The following KCP variants were observed in gnomAD, a reference collection of about 807,000 sequenced individuals.
KCP encodes kielin cysteine rich BMP regulator, also known as kielin/chordin-like protein.
In KCP, 194 loss-of-function variants were observed where a neutral mutation model predicts 212.7. The ratio of observed to expected loss-of-function variants is 0.91; its 90% confidence interval spans 0.81 to 1.03. The LOEUF (loss-of-function observed/expected upper bound fraction) is 1.03. Ranked by LOEUF, KCP falls within the 50% of genes least tolerant of loss-of-function variation. KCP has a pLI of 0.00. For synonymous variants in KCP, 833 were observed against 865.3 expected (o/e 0.96, Z 0.65); for missense variants, 2,080 against 2,162.5 (o/e 0.96, Z 0.76).
intron 22 of KCP, among the ~76,000 whole-genome samples, chr7:128,888,493 C>T (rs944273539): frequency 6.6e-6 from 1 of 151,098 alleles, no homozygotes; most frequent in Non-Finnish European, 1.5e-5. Flanking sequence ...CACAGATACA[C>T]CCACACAGGC....
chr7:128,901,521 G>C (rs937741322), intron 8 of KCP, among the ~76,000 whole-genome samples: 1 of 152,068 alleles, frequency 6.6e-6, no homozygotes, highest in African/African-American at 2.4e-5. Flanking sequence ...AGCTACTCGG[G>C]ATACGGAGGC....
chr7:128,890,710 G>T (rs1442456869), intron 20 of KCP, among the ~76,000 whole-genome samples, 195 bp downstream of exon 20: 1 of 150,670 alleles, frequency 6.6e-6, no homozygotes, highest in South Asian at 2.1e-4. Context: ...TGGGTGTCGT[G>T]GGGGGCTGGG....
At chr7:128,906,012 G>A (rs1299680674) in intron 5 of KCP, among the ~76,000 whole-genome samples, 1 of 152,100 alleles carries the variant, frequency 6.6e-6, no homozygotes, top group African/African-American at 2.4e-5. Context: ...TGGTAGCTTG[G>A]CTATGAGCTT....
At chr7:128,904,331 A>G in intron 5 of KCP, 193 bp from the exon 6 acceptor site, 1 of 1,551,906 alleles carries the variant, frequency 6.4e-7, no homozygotes, top group Non-Finnish European at 8.7e-7. Flanking sequence ...GCAGCTCTCC[A>G]AGCAGTTGAG....
At position 128,888,947 on chromosome 7, in the gene KCP, C is replaced by T. The variant is rs1365625098; in HGVS notation, c.2428G>A (p.Val810Met). ...TCACAGGGCCGGCGGCCGCAGGTCA[C>T]GAAGCCTCCAAGACAGGTACACAGG... ...CNLCTCLGGF[V>M]TCGRRPCEPP... The change falls in exon 22 of 40, where the codon GTG (valine) becomes ATG (methionine). Residue 810 changes from valine to methionine, a missense_variant. Val to Met is a conservative substitution (Grantham distance 21). Transcript: ENST00000610776. The T allele has an allele frequency of 1.2e-5, 19 of 1,549,956 alleles. No individual in the cohort carries two copies. The South Asian group carries it at 1.7e-4, about 14-fold the overall frequency.
intron 1 of KCP, among the ~76,000 whole-genome samples, 195 bp downstream of exon 1, chr7:128,910,406 C>A (rs1304028565): frequency 6.6e-6 from 1 of 152,274 alleles, no homozygotes; most frequent in Non-Finnish European, 1.5e-5. Context: ...TCTCCTGAAC[C>A]CCCTGCTTTG....
At chr7:128,890,274 G>A in intron 21 of KCP, 69 bp downstream of exon 21, 4 of 1,551,228 alleles carry the variant, frequency 2.6e-6, no homozygotes, top group Non-Finnish European at 3.5e-6. Context: ...GGGCAGTAAA[G>A]ATTATTCTGA....
chr7:128,881,583 CT>C (rs761727699), intron 31 of KCP, 42 bp downstream of exon 31: 117 of 1,379,492 alleles, frequency 8.5e-5, no homozygotes, highest in African/African-American at 1.2e-4. Context: ...TGTGTTCCCC[CT>C]GGGCTCCTCT....
rs951289928 is a variant in KCP, at chr7:128,891,357, A to G, written c.1879-79T>C. On this transcript the variant is annotated intron_variant, in intron 18 of 39. Transcript: ENST00000610776. Reference sequence around the variant, plus strand: ...GAGACCCCTCCCACCCAGTGCCACCAGGTCCCACCCCTCCCACCTGGGCGG... The same window carrying G: ...GAGACCCCTCCCACCCAGTGCCACCGGGTCCCACCCCTCCCACCTGGGCGG... The G allele has an allele frequency of 3.9e-6, 6 of 1,546,348 alleles. No homozygotes were observed. The South Asian group carries it at 4.8e-5, about 12-fold the overall frequency.
At chr7:128,890,182 AT>A (rs1585217571) in intron 21 of KCP, 160 bp downstream of exon 21, 1 of 1,381,192 alleles carries the variant, frequency 7.2e-7, no homozygotes, top group East Asian at 2.5e-5. Flanking sequence ...AGCCTCCCAA[AT>A]TGTCGGGGTC....
chr7:128,881,871 G>A (rs1793353963), intron 30 of KCP, 66 bp downstream of exon 30: 4 of 1,474,632 alleles, frequency 2.7e-6, no homozygotes, highest in Non-Finnish European at 3.7e-6. Flanking sequence ...GGAGAGGAGT[G>A]GCAGCCACAG....
chr7:128,887,592 C>T (rs1235056908), intron 22 of KCP, among the ~76,000 whole-genome samples: 1 of 137,644 alleles, frequency 7.3e-6, no homozygotes, highest in African/African-American at 3.5e-5. Flanking sequence ...TCCACACATA[C>T]ACACACAGCC....
rs748320181 is a variant in KCP, at chr7:128,880,499, G to T, written c.3646C>A (p.Arg1216Ser). The T allele has an allele frequency of 3.9e-6, 6 of 1,526,064 alleles. No individual in the cohort carries two copies. The Admixed American group carries it at 1.2e-4, about 31-fold the overall frequency. 94.5% of individuals were successfully genotyped at this position (1,526,064 alleles called of 1,614,324 possible). ...APTQSCVHQG[R>S]EVASGERWTV... ...CAGCGCTCTCCAGAGGCCACCTCAC[G>T]GCCCTGGTGCACGCAGGACTGGGTG... Residue 1216 changes from arginine (R) to serine (S), a missense_variant, in exon 34 of 40, where the codon CGT becomes AGT. Coordinates refer to ENST00000610776, the MANE Select transcript of KCP (RefSeq NM_001366122.1).
At chr7:128,905,567 C>T (rs1329430796) in intron 5 of KCP, among the ~76,000 whole-genome samples, 2 of 152,306 alleles carry the variant, frequency 1.3e-5, no homozygotes, top group African/African-American at 2.4e-5. Context: ...TGGCTCCATG[C>T]CTAGACAACT....
In KCP at chr7:128,879,814, A is replaced by G; in HGVS notation, c.3948T>C (p.Asn1316=). 6.4e-7 allele frequency: 1 copy of G among 1,550,832 alleles called. No homozygotes were observed. The highest frequency in any genetic ancestry group is 8.7e-7 in the Non-Finnish European group (1 of 1,146,950). Residue 1316 remains asparagine, a synonymous_variant, in exon 36 of 40, where the codon AAT becomes AAC. Transcript: ENST00000610776. ...CCACACCGCTCCGGCCCCGGTCATC[A>G]TTGGTCACGTGCACACTGTGGGCAG... is the stretch of plus-strand genomic sequence containing the variant. The part of the protein sequence containing the change: ...HSGDFSVHVT[N]DDRGRSGVAW...
At chr7:128,888,633 GACACACACACAT>G (rs1289598591) in intron 22 of KCP, among the ~76,000 whole-genome samples, 2 of 136,498 alleles carry the variant, frequency 1.5e-5, no homozygotes, top group East Asian at 4.6e-4. Context: ...CACACATACA[GACACACACACAT>G]ACACAGCCAC....
chr7:128,884,078 C>T lies in KCP; in HGVS notation c.3168G>A (p.Gln1056=). 1 of 1,543,282 alleles carries T rather than the reference C, an allele frequency of 6.5e-7. No homozygotes were observed. Among genetic ancestry groups the T allele is most frequent in the South Asian group, 1.2e-5 (1 of 83,502 alleles). Residue 1056 remains glutamine, a synonymous_variant, in exon 29 of 40, where the codon CAG becomes CAA. Transcript: ENST00000610776. ...GGGGGCAGCCCACCAGGCTGGGACA[C>T]TGCCGCCGGTGACAGCGAAGGCTGG... is the stretch of plus-strand genomic sequence containing the variant. ...GPPSLRCHRR[Q]CPSLVGCPPS... is the part of the protein sequence containing the mutation.
In KCP at chr7:128,906,332, C is replaced by T. The variant is rs1795117958; in HGVS notation, c.518G>A (p.Cys173Tyr). 3.2e-6 allele frequency: 5 copies of T among 1,550,262 alleles called. No homozygotes were observed. The highest frequency in any genetic ancestry group is 4.4e-6 in the Non-Finnish European group (5 of 1,146,920). The change falls in exon 5 of 40, where the codon TGC becomes TAC. Residue 173 changes from cysteine (C) to tyrosine (Y), a missense_variant. Cys to Tyr is a radical substitution (Grantham distance 194). Coordinates refer to ENST00000610776, the MANE Select transcript of KCP (RefSeq NM_001366122.1). Reference protein sequence around the residue: ...EGTITCNQKPCPRGPCPEPGA... With the variant: ...EGTITCNQKPYPRGPCPEPGA... The stretch of plus-strand genomic sequence containing the variant: ...TGGCTCAGGGCAGGGTCCTCTTGGG[C>T]ATGGCTTCTGGTTGCAAGTGATGGT...
intron 22 of KCP, among the ~76,000 whole-genome samples, chr7:128,888,580 CCA>C (rs111595461): frequency 4.4e-5 from 6 of 135,408 alleles, no homozygotes; most frequent in East Asian, 4.8e-4. Flanking sequence ...ATACACACGG[CCA>C]CACACACACA....
Sources: allele counts gnomAD v4.1 joint callset (sites outside exome capture counted in the v4.1 genomes callset), GRCh38; gene constraint gnomAD v4.1.1; transcripts MANE v1.5; gene names NCBI Gene and HGNC (gene_info 2026-07-23, HGNC 2026-07-21).